Variants in ERBB4 observed in about 807,000 individuals in gnomAD.
ERBB4 encodes the protein receptor tyrosine-protein kinase erbB-4.
Under a neutral mutation model 158.0 loss-of-function variants are expected in ERBB4, and 42 were observed. The ratio of observed to expected loss-of-function variants is 0.27; its 90% CI spans 0.21 to 0.34. ERBB4 has a LOEUF of 0.34. Ranked by LOEUF, ERBB4 falls within the 10% of genes least tolerant of loss-of-function variation. The pLI, the probability that ERBB4 is intolerant of heterozygous loss-of-function variation, is 1.00. For missense variants in ERBB4, 1,333 were observed against 1,624.1 expected (o/e 0.82, Z 3.08); for synonymous variants, 583 against 558.7 (o/e 1.04, Z -0.61).
At chr2:211,405,039 G>C (rs1432577578) in intron 25 of ERBB4, among the ~76,000 whole-genome samples, 3 of 152,122 alleles carry the variant, frequency 2.0e-5, no homozygotes, top group Non-Finnish European at 1.5e-5. Context: ...TTGTTAGTTT[G>C]AAGTGCTTTA....
chr2:211,639,768 C>A (rs2070502566), intron 16 of ERBB4, among the ~76,000 whole-genome samples: 1 of 152,132 alleles, frequency 6.6e-6, no homozygotes, highest in South Asian at 2.1e-4. Flanking sequence ...GTTCCCCAGG[C>A]AGGAGTACAG....
intron 1 of ERBB4, among the ~76,000 whole-genome samples, chr2:212,205,033 G>C (rs1189270523): frequency 1.3e-5 from 2 of 151,674 alleles, no homozygotes; most frequent in Non-Finnish European, 2.9e-5. Context: ...GGCCAGGCTA[G>C]TCTCAAACTC....
intron 3 of ERBB4, among the ~76,000 whole-genome samples, chr2:211,801,214 C>T (rs1021536489): frequency 6.6e-6 from 1 of 151,894 alleles, no homozygotes; most frequent in African/African-American, 2.4e-5. Flanking sequence ...ATTCTAATCA[C>T]TGTAAAGGTA....
intron 7 of ERBB4, among the ~76,000 whole-genome samples, chr2:211,717,741 C>T (rs373743381): frequency 5.9e-5 from 9 of 152,128 alleles, no homozygotes; most frequent in Non-Finnish European, 8.8e-5. Context: ...GCAGGGGAAT[C>T]GCTTGAACCC....
chr2:211,397,363 C>T (rs2062942068), intron 25 of ERBB4, among the ~76,000 whole-genome samples: 1 of 152,120 alleles, frequency 6.6e-6, no homozygotes, highest in Admixed American at 6.6e-5. Flanking sequence ...CCAGATTAGC[C>T]AGAATCATGG....
chr2:212,474,351 A>C (rs1689268541), intron 1 of ERBB4, among the ~76,000 whole-genome samples: 1 of 152,160 alleles, frequency 6.6e-6, no homozygotes, highest in South Asian at 2.1e-4. Context: ...TTTTCTGGTT[A>C]CTGAAGTGAC....
intron 20 of ERBB4, among the ~76,000 whole-genome samples, chr2:211,544,513 T>C (rs1044250183): frequency 1.3e-5 from 2 of 152,034 alleles, no homozygotes; most frequent in Admixed American, 6.6e-5. Flanking sequence ...CATGCCTCCA[T>C]GCTTACCAGC....
At chr2:211,923,532 A>G (rs550408546) in intron 3 of ERBB4, among the ~76,000 whole-genome samples, 1 of 152,254 alleles carries the variant, frequency 6.6e-6, no homozygotes, top group Admixed American at 6.5e-5. Flanking sequence ...AGAGCAATTC[A>G]TCTTCATGAG....
At chr2:211,840,163 G>A (rs2077438870) in intron 3 of ERBB4, among the ~76,000 whole-genome samples, 2 of 151,970 alleles carry the variant, frequency 1.3e-5, no homozygotes, top group South Asian at 2.1e-4. Context: ...ACAGAATCAT[G>A]GCGTGGGTCT....
intron 19 of ERBB4, among the ~76,000 whole-genome samples, chr2:211,589,010 A>C (rs1198754403): frequency 1.3e-5 from 2 of 152,184 alleles, no homozygotes; most frequent in Non-Finnish European, 2.9e-5. Flanking sequence ...GGAAAATACA[A>C]GAAGAAAATA....
intron 1 of ERBB4, among the ~76,000 whole-genome samples, chr2:212,392,411 T>C (rs947269159): frequency 4.6e-5 from 7 of 152,016 alleles, no homozygotes; most frequent in African/African-American, 1.4e-4. Flanking sequence ...AGAAAAGGCA[T>C]ACAAGAAAGC....
At chr2:211,604,861 G>A (rs1241994732) in intron 19 of ERBB4, among the ~76,000 whole-genome samples, 1 of 151,928 alleles carries the variant, frequency 6.6e-6, no homozygotes, top group Non-Finnish European at 1.5e-5. Flanking sequence ...TAACTATTTG[G>A]CATATATATA....
At chr2:212,225,537 A>G (rs1431393993) in intron 1 of ERBB4, among the ~76,000 whole-genome samples, 1 of 151,920 alleles carries the variant, frequency 6.6e-6, no homozygotes, top group Non-Finnish European at 1.5e-5. Context: ...AATCACTAGT[A>G]TTTTGTCATT....
chr2:211,580,856 TATGC>T (rs2068068501), intron 19 of ERBB4, among the ~76,000 whole-genome samples: 2 of 7,526 alleles, frequency 2.7e-4, no homozygotes, highest in Admixed American at 8.3e-3. Flanking sequence ...ATATATATAG[TATGC>T]ATATACATAT....
At chr2:211,813,012 T>C (rs1201197302) in intron 3 of ERBB4, among the ~76,000 whole-genome samples, 1 of 152,192 alleles carries the variant, frequency 6.6e-6, no homozygotes, top group Non-Finnish European at 1.5e-5. Flanking sequence ...GGTGAGGTGA[T>C]GTCCCGCCCT....
chr2:211,630,672 A>G (rs1190413284), intron 16 of ERBB4, 78 bp from the exon 17 acceptor site: 2 of 1,251,566 alleles, frequency 1.6e-6, no homozygotes, highest in African/African-American at 3.0e-5. Flanking sequence ...GAGCAGTTGT[A>G]CAAGACATTA....
chr2:211,726,767 C>G (rs1345953834), intron 5 of ERBB4, among the ~76,000 whole-genome samples: 1 of 152,060 alleles, frequency 6.6e-6, no homozygotes, highest in African/African-American at 2.4e-5. Context: ...AACCTGTAAG[C>G]CAACGCCTAT....
chr2:212,064,753 G>A (rs749368956), intron 2 of ERBB4, among the ~76,000 whole-genome samples: 1 of 151,904 alleles, frequency 6.6e-6, no homozygotes, highest in East Asian at 1.9e-4. Flanking sequence ...AAGGATTTGA[G>A]TACAAAGCGA....
At chr2:212,409,451 T>A (rs1246591905) in intron 1 of ERBB4, among the ~76,000 whole-genome samples, 15 of 152,160 alleles carry the variant, frequency 9.9e-5, no homozygotes, top group Non-Finnish European at 5.9e-5. Flanking sequence ...CTTTAAATTC[T>A]ATATGTAAGT....
Sources: allele counts gnomAD v4.1 joint callset (sites outside exome capture counted in the v4.1 genomes callset), GRCh38; gene constraint gnomAD v4.1.1; transcripts MANE v1.5; gene names NCBI Gene and HGNC (gene_info 2026-07-23, HGNC 2026-07-21).